The following SV2C variants were observed in gnomAD, a reference collection of about 807,000 sequenced individuals.
SV2C encodes the protein solute carrier family 22 member B3.
A neutral mutation model predicts 79.7 loss-of-function variants in SV2C; 49 were observed. That is an observed-to-expected ratio of 0.61 (90% confidence interval 0.49 to 0.78). SV2C has a LOEUF of 0.78. Ranked by LOEUF, SV2C falls within the 30% of genes least tolerant of loss-of-function variation. The pLI, the probability that SV2C is intolerant of heterozygous loss-of-function variation, is 0.00. For synonymous variants in SV2C, 334 were observed against 333.2 expected, an observed-to-expected ratio of 1.00 and a Z score of -0.03; for missense variants, 833 against 912.9, an observed-to-expected ratio of 0.91 and a Z score of 1.13.
intron 12 of SV2C, among the ~76,000 whole-genome samples, chr5:76,347,317 G>A (rs1433935145): frequency 6.6e-6 from 1 of 152,200 alleles, no homozygotes; most frequent in African/African-American, 2.4e-5. Context: ...GAGGGACTAG[G>A]CTGTGAGCCA....
In SV2C at chr5:76,291,862, T is replaced by C. The variant is rs907687724; in HGVS notation, c.1337+6T>C. The C allele has an allele frequency of 2.4e-5, 39 of 1,597,702 alleles. No individual in the cohort carries two copies. The highest frequency in any genetic ancestry group is 5.1e-5 in the Admixed American group (3 of 59,224). ...TGGTTCACCCTGTCCTTTGGGTAAG[T>C]GATATTTAAATTCTTGGCAAGCAAA... On this transcript the variant is annotated splice_donor_region_variant and intron_variant, in intron 8 of 12. Coordinates refer to ENST00000502798, the MANE Select transcript of SV2C (RefSeq NM_014979.4).
the SV2C span, among the ~76,000 whole-genome samples, chr5:75,853,271 A>G: frequency 1.1e-4 from 17 of 152,198 alleles, no homozygotes; most frequent in Middle Eastern, 3.4e-3. Context: ...AGAATTTAAA[A>G]ATTGGCCGGG....
intron 2 of SV2C, among the ~76,000 whole-genome samples, chr5:76,138,811 A>G (rs1749149713): frequency 6.6e-6 from 1 of 152,216 alleles, no homozygotes; most frequent in Non-Finnish European, 1.5e-5. Flanking sequence ...ATATGAACAT[A>G]TCTAAAATAA....
intron 4 of SV2C, among the ~76,000 whole-genome samples, chr5:76,263,088 G>T (rs1746533221): frequency 6.6e-6 from 1 of 152,124 alleles, no homozygotes; most frequent in South Asian, 2.1e-4. Flanking sequence ...AAGTCTTTAA[G>T]AACTTGTTTT....
the SV2C span, among the ~76,000 whole-genome samples, chr5:75,945,719 A>G: frequency 2.0e-5 from 3 of 152,114 alleles, no homozygotes; most frequent in Non-Finnish European, 4.4e-5. Flanking sequence ...TTAAAATCAT[A>G]CGAGTATGTT....
chr5:76,252,648 T>A (rs1055815795), intron 4 of SV2C, among the ~76,000 whole-genome samples: 8 of 152,212 alleles, frequency 5.3e-5, no homozygotes, highest in African/African-American at 1.9e-4. Context: ...AAGTAATAAA[T>A]CCTTTTGTGG....
At position 76,126,582 on chromosome 5, in the gene SV2C, G is replaced by C. The variant is rs186265625; in HGVS notation, c.-101-5068G>C. ...AAAGTTGGACACAGTTGTCCAGTCA[G>C]CTGGCAGGTAGTTCACCATTTGTCT... On this transcript the variant is annotated intron_variant, in intron 1 of 12. Transcript: ENST00000502798. Among the ~76,000 whole-genome samples, 523 of 152,284 alleles carry C rather than the reference G, an allele frequency of 3.4e-3. 2 individuals are homozygous for C. The highest frequency in any genetic ancestry group is 4.6e-3 in the Non-Finnish European group (314 of 68,030).
chr5:76,168,741 A>G (rs1259560220), intron 2 of SV2C, among the ~76,000 whole-genome samples: 1 of 152,096 alleles, frequency 6.6e-6, no homozygotes, highest in Admixed American at 6.5e-5. Flanking sequence ...ATATAAAACC[A>G]CCTTCCTTTT....
the SV2C span, among the ~76,000 whole-genome samples, chr5:75,871,580 C>A: frequency 6.6e-6 from 1 of 151,934 alleles, no homozygotes; most frequent in East Asian, 1.9e-4. Flanking sequence ...GAGGCCAAGG[C>A]CGGTGGGTCA....
At chr5:76,317,523 A>G (rs1225121331) in intron 12 of SV2C, among the ~76,000 whole-genome samples, 6 of 152,050 alleles carry the variant, frequency 3.9e-5, no homozygotes, top group South Asian at 4.1e-4. Flanking sequence ...ACACCATTTC[A>G]GGCCTTTTTA....
chr5:76,154,012 G>A (rs534991275), intron 2 of SV2C, among the ~76,000 whole-genome samples: 1 of 152,194 alleles, frequency 6.6e-6, no homozygotes, highest in African/African-American at 2.4e-5. Context: ...ACTCATCAGT[G>A]ACCTGTTAGT....
intron 2 of SV2C, among the ~76,000 whole-genome samples, chr5:76,137,054 T>G (rs1210383296): frequency 6.6e-6 from 1 of 152,348 alleles, no homozygotes; most frequent in South Asian, 2.1e-4. Flanking sequence ...GCCACTTACT[T>G]GTGTGACCAT....
At chr5:75,877,428 C>A in the SV2C span, among the ~76,000 whole-genome samples, 1 of 151,952 alleles carries the variant, frequency 6.6e-6, no homozygotes, top group Non-Finnish European at 1.5e-5. Flanking sequence ...ACCAAATAGA[C>A]CTACAACACT....
the SV2C span, among the ~76,000 whole-genome samples, chr5:75,952,116 G>T: frequency 6.6e-6 from 1 of 151,852 alleles, no homozygotes; most frequent in Non-Finnish European, 1.5e-5. Flanking sequence ...ATGAAATAAA[G>T]ATTAATATTC....
At chr5:76,152,909 A>G (rs138646789) in intron 2 of SV2C, among the ~76,000 whole-genome samples, 4 of 152,302 alleles carry the variant, frequency 2.6e-5, no homozygotes, top group African/African-American at 7.2e-5. Context: ...GGGATCATGG[A>G]TCATATTTTT....
chr5:76,104,317 AG>A (rs1471482439), intron 1 of SV2C, among the ~76,000 whole-genome samples: 1 of 152,218 alleles, frequency 6.6e-6, no homozygotes, highest in East Asian at 1.9e-4. Flanking sequence ...TTATTTGATC[AG>A]GGAACAACTG....
At chr5:75,926,654 C>A in the SV2C span, among the ~76,000 whole-genome samples, 483 of 152,140 alleles carry the variant, frequency 3.2e-3, 10 homozygotes, top group East Asian at 0.041. Flanking sequence ...AACATATAAC[C>A]AGATATTGCT....
intron 1 of SV2C, among the ~76,000 whole-genome samples, chr5:76,122,797 C>T (rs1748562725): frequency 6.6e-6 from 1 of 151,992 alleles, no homozygotes; most frequent in African/African-American, 2.4e-5. Flanking sequence ...GACACCCTAA[C>T]ATCACGATTA....
chr5:75,901,606 C>T, the SV2C span, among the ~76,000 whole-genome samples: 1 of 152,358 alleles, frequency 6.6e-6, no homozygotes. Context: ...AGAATCACTG[C>T]TCTCTTCAAA....
Sources: allele counts gnomAD v4.1 joint callset (sites outside exome capture counted in the v4.1 genomes callset), GRCh38; gene constraint gnomAD v4.1.1; transcripts MANE v1.5; gene names NCBI Gene and HGNC (gene_info 2026-07-23, HGNC 2026-07-21).